PEAK1: variants seen among roughly 807,000 people sequenced by gnomAD.
PEAK1 encodes inactive tyrosine-protein kinase PEAK1.
Under a neutral mutation model 124.7 loss-of-function variants are expected in PEAK1, and 54 were observed. The ratio of observed to expected loss-of-function variants is 0.43; its 90% confidence interval spans 0.35 to 0.54. The LOEUF (loss-of-function observed/expected upper bound fraction) is 0.54, where lower values mean the gene tolerates loss of function less well. Ranked by LOEUF, PEAK1 falls within the 20% of genes least tolerant of loss-of-function variation. PEAK1 has a pLI of 0.01. For missense variants in PEAK1, 2,046 were observed against 2,134.5 expected (o/e 0.96, Z 0.82); for synonymous variants, 719 against 760.0 (o/e 0.95, Z 0.89).
chr15:77,334,867 T>G (rs1307899817), intron 2 of PEAK1: 6 of 985,332 alleles, frequency 6.1e-6, no homozygotes, highest in Non-Finnish European at 7.2e-6. Flanking sequence ...TTTTCATGCC[T>G]TCAGAATCCT....
At chr15:77,105,499 C>G (rs1340701209), downstream of PEAK1, 1 of 152,236 alleles carries the variant, frequency 6.6e-6, no homozygotes, top group African/African-American at 2.4e-5. Flanking sequence ...TCCTACCCCC[C>G]CACCCAGTGT....
intron 9 of PEAK1, among the ~76,000 whole-genome samples, chr15:77,116,811 T>C (rs2051431770): frequency 6.6e-6 from 1 of 152,200 alleles, no homozygotes; most frequent in Non-Finnish European, 1.5e-5. Flanking sequence ...AGTTTGAGGA[T>C]ATACTAAGTA....
chr15:77,345,746 A>C, intron 2 of PEAK1: 2 of 289,222 alleles, frequency 6.9e-6, no homozygotes, highest in Non-Finnish European at 1.0e-5. Flanking sequence ...TTTTTTTTGT[A>C]TTCCCAACAC....
At chr15:77,310,262 T>C (rs868810866) in intron 2 of PEAK1, among the ~76,000 whole-genome samples, 1 of 152,162 alleles carries the variant, frequency 6.6e-6, no homozygotes, top group African/African-American at 2.4e-5. Flanking sequence ...ATACAAAAGT[T>C]TGAACTAATA....
intron 2 of PEAK1, among the ~76,000 whole-genome samples, chr15:77,307,217 G>C (rs375021388): frequency 1.4e-4 from 21 of 152,204 alleles, no homozygotes; most frequent in African/African-American, 4.6e-4. Context: ...TACTGTATCT[G>C]ACATTAAGTG....
intron 6 of PEAK1, among the ~76,000 whole-genome samples, chr15:77,190,597 C>T (rs576397524): frequency 2.0e-4 from 31 of 152,272 alleles, no homozygotes; most frequent in Admixed American, 2.6e-4. Context: ...ACTACAAATA[C>T]CTTTCTGTTT....
chr15:77,334,129 TAAG>T (rs2066054483), intron 2 of PEAK1: 2 of 911,988 alleles, frequency 2.2e-6, no homozygotes, highest in African/African-American at 3.6e-5. Flanking sequence ...TCTAAATACT[TAAG>T]AGATTTTTTT....
chr15:77,246,729 G>A (rs2060607216), intron 6 of PEAK1, among the ~76,000 whole-genome samples: 1 of 151,798 alleles, frequency 6.6e-6, no homozygotes, highest in Admixed American at 6.6e-5. Flanking sequence ...TATTAATTGT[G>A]TATAGAAGGA....
intron 2 of PEAK1, among the ~76,000 whole-genome samples, chr15:77,299,486 G>A (rs1188465743): frequency 1.3e-5 from 2 of 152,162 alleles, no homozygotes; most frequent in Admixed American, 1.3e-4. Context: ...AGCCTGTGAA[G>A]TTTCACCAAT....
chr15:77,279,400 C>G (rs1165705970), intron 5 of PEAK1, among the ~76,000 whole-genome samples: 2 of 152,116 alleles, frequency 1.3e-5, no homozygotes, highest in African/African-American at 2.4e-5. Flanking sequence ...TCAGCATAGA[C>G]TTAACTCCCT....
In PEAK1 at chr15:77,108,697, T is replaced by C. The variant is rs958559684; in HGVS notation, c.*5459A>G. The C allele has an allele frequency of 2.0e-5, 3 of 152,248 alleles. No individual in the cohort carries two copies. Among genetic ancestry groups the C allele is most frequent in the Non-Finnish European group, 4.4e-5 (3 of 68,056 alleles). 9.4% of individuals were successfully genotyped at this position (152,248 alleles called of 1,614,324 possible). On this transcript the variant is annotated 3_prime_UTR_variant, in exon 10 of 10. Coordinates refer to ENST00000682557, the MANE Select transcript of PEAK1 (RefSeq NM_001385026.1). ...ACTAACGGGCAAAGTGGGTTTTCTG[T>C]ACTACAACAATATTCGTAGCAAAAT...
chr15:77,407,998 C>T (rs547975692), intron 1 of PEAK1, among the ~76,000 whole-genome samples: 9 of 150,802 alleles, frequency 6.0e-5, no homozygotes, highest in African/African-American at 1.7e-4. Context: ...TATACACATA[C>T]ACACACGTAC....
intron 9 of PEAK1, among the ~76,000 whole-genome samples, chr15:77,132,643 C>T (rs1000098810): frequency 7.5e-5 from 11 of 146,960 alleles, no homozygotes; most frequent in Non-Finnish European, 1.3e-4. Context: ...TGCAGTGAGC[C>T]GAGATTGCAC....
intron 6 of PEAK1, among the ~76,000 whole-genome samples, chr15:77,232,279 T>C (rs2059938995): frequency 6.6e-6 from 1 of 151,978 alleles, no homozygotes; most frequent in African/African-American, 2.4e-5. Flanking sequence ...GAGCTTACAC[T>C]AAGCCTGCTT....
At chr15:77,135,124 C>T (rs1352688834) in intron 8 of PEAK1, among the ~76,000 whole-genome samples, 1 of 152,186 alleles carries the variant, frequency 6.6e-6, no homozygotes, top group African/African-American at 2.4e-5. Context: ...GACTCCTAGC[C>T]TCCATAACTG....
intron 7 of PEAK1, among the ~76,000 whole-genome samples, chr15:77,166,062 A>G (rs1317210482): frequency 6.6e-6 from 1 of 152,246 alleles, no homozygotes; most frequent in East Asian, 1.9e-4. Flanking sequence ...GCTATTATTG[A>G]AAGGTAGGGT....
chr15:77,169,433 T>G (rs1308791626), intron 7 of PEAK1, among the ~76,000 whole-genome samples: 1 of 152,212 alleles, frequency 6.6e-6, no homozygotes, highest in Non-Finnish European at 1.5e-5. Context: ...GGCCATAGTT[T>G]TAATCAATAA....
intron 5 of PEAK1, among the ~76,000 whole-genome samples, chr15:77,274,382 G>A: frequency 6.6e-6 from 1 of 151,738 alleles, no homozygotes. Context: ...TCCGACAAAG[G>A]ACTAATATCC....
At position 77,265,320 on chromosome 15, in the gene PEAK1, C is replaced by T. The variant is rs544871449; in HGVS notation, c.-274-12794G>A. Among the ~76,000 whole-genome samples the T allele has an allele frequency of 1.8e-4, 27 of 152,238 alleles. No individual in the cohort carries two copies. The South Asian group carries it at 5.4e-3, about 30-fold the overall frequency. On this transcript the variant is annotated intron_variant, in intron 5 of 9. Coordinates refer to ENST00000682557, the MANE Select transcript of PEAK1 (RefSeq NM_001385026.1). Reference sequence around the variant, plus strand: ...AACTACCAACAAAGTGAATAGACAACCCACAAAATGGGAGAAAATTTTCGC... The same window carrying T: ...AACTACCAACAAAGTGAATAGACAATCCACAAAATGGGAGAAAATTTTCGC...
Sources: gnomAD v4.1 joint callset for allele counts (sites outside exome capture counted in the v4.1 genomes callset) on GRCh38, gnomAD v4.1.1 for gene constraint, MANE v1.5 for transcripts, NCBI Gene and HGNC (gene_info 2026-07-23, HGNC 2026-07-21) for gene names.